The following RUSF1 variants were observed in gnomAD, a reference collection of about 807,000 sequenced individuals.
The protein encoded by RUSF1 is RUS family member 1.
A neutral mutation model predicts 63.0 loss-of-function variants in RUSF1; 58 were observed. That is an observed-to-expected ratio of 0.92 (90% CI 0.75 to 1.15). The LOEUF is 1.15. Ranked by LOEUF, RUSF1 falls within the 50% of genes most tolerant of loss-of-function variation. The pLI is 0.00. For synonymous variants in RUSF1, 274 were observed against 255.8 expected (o/e 1.07, Z -0.68); for missense variants, 652 against 611.0 (o/e 1.07, Z -0.71).
In RUSF1 at chr16:31,500,685, C is replaced by G. The variant is rs755842350; in HGVS notation, c.461+1G>C. 2 of 1,612,654 alleles carry G rather than the reference C, an allele frequency of 1.2e-6. No individual in the cohort carries two copies. The highest frequency in any genetic ancestry group is 2.7e-5 in the African/African-American group (2 of 74,904). ...GTTGCTGGCCGGGAAGACAAACTCACCCTTTCCACCAGGCAAAGACGATGC... is the reference window on the plus strand; with the variant it reads ...GTTGCTGGCCGGGAAGACAAACTCAGCCTTTCCACCAGGCAAAGACGATGC... On this transcript the variant is annotated splice_donor_variant, in intron 3 of 12. Transcript: ENST00000327237. LOFTEE classifies it high-confidence loss of function.
At chr16:31,502,529 C>T (rs942094223) in intron 2 of RUSF1, among the ~76,000 whole-genome samples, 2 of 152,224 alleles carry the variant, frequency 1.3e-5, no homozygotes, top group African/African-American at 4.8e-5. Flanking sequence ...GGATTTCCAG[C>T]TTCTCTGGAA....
Position 31,492,968 on chromosome 16 carries a change from GCA to G in RUSF1, c.1087+8_1087+9del. ...GTGCGTCTTAGGCTGGGAGAATGAG[GCA>G]CACTCACTTTGTGACTGGTCCCAGC... On this transcript the variant is annotated splice_region_variant and intron_variant, in intron 10 of 12. Transcript: ENST00000327237. 1 of 1,604,550 alleles carries G rather than the reference GCA, an allele frequency of 6.2e-7. No homozygotes were observed. The highest frequency in any genetic ancestry group is 8.5e-7 in the Non-Finnish European group (1 of 1,173,462).
At chr16:31,495,805 A>G (rs965429659) in intron 6 of RUSF1, among the ~76,000 whole-genome samples, 3 of 152,222 alleles carry the variant, frequency 2.0e-5, no homozygotes, top group South Asian at 2.1e-4. Context: ...TAAGGCAACC[A>G]TGAGCATTTA....
chr16:31,497,485 T>C (rs2082610177), intron 5 of RUSF1, among the ~76,000 whole-genome samples: 1 of 152,196 alleles, frequency 6.6e-6, no homozygotes, highest in Non-Finnish European at 1.5e-5. Context: ...GCTCTTTTAC[T>C]TATTACTATT....
At position 31,508,149 on chromosome 16, in the gene RUSF1, G is replaced by C. The variant is rs769729213; in HGVS notation, c.225C>G (p.Ala75=). Residue 75 remains alanine, a synonymous_variant, in exon 1 of 13, where the codon GCC becomes GCG. Coordinates refer to ENST00000327237, the MANE Select transcript of RUSF1 (RefSeq NM_022744.4). Reference sequence around the variant, plus strand: ...CAGGGAAGCCCTGAGGCAGGAACACGGCCTGGAGCCCGGAGAGGGGCGGTG... The same window carrying C: ...CAGGGAAGCCCTGAGGCAGGAACACCGCCTGGAGCCCGGAGAGGGGCGGTG... The part of the protein sequence containing the change: ...APSPPLSGLQ[A]VFLPQGFPDS... 1.1e-5 allele frequency: 18 copies of C among 1,592,464 alleles called. No individual in the cohort carries two copies. The highest frequency in any genetic ancestry group is 3.5e-5 in the Admixed American group (2 of 57,228).
rs752793163 is a variant in RUSF1, at chr16:31,492,970, ACACT to A, written c.1087+4_1087+7del. On this transcript the variant is annotated splice_donor_5th_base_variant and intron_variant, in intron 10 of 12. Transcript: ENST00000327237. ...GCGTCTTAGGCTGGGAGAATGAGGC[ACACT>A]CACTTTGTGACTGGTCCCAGCAGAG... The A allele has an allele frequency of 5.6e-6, 9 of 1,605,620 alleles. No homozygotes were observed. Among genetic ancestry groups the A allele is most frequent in the Non-Finnish European group, 7.7e-6 (9 of 1,174,128 alleles).
At chr16:31,499,264 G>A in intron 5 of RUSF1, 38 bp downstream of exon 5, 2 of 1,543,886 alleles carry the variant, frequency 1.3e-6, no homozygotes, top group Non-Finnish European at 1.8e-6. Context: ...TACCAAGGCA[G>A]GTGTTTTAGG....
In RUSF1 at chr16:31,492,046, G is replaced by A. The variant is rs138409218; in HGVS notation, c.1272C>T (p.His424=). Reference sequence around the variant, plus strand: ...TTGGGAACAGCATGTCCAACACTTCGTGTGTCTCCTTGACGACGACCCAGC... The same window carrying A: ...TTGGGAACAGCATGTCCAACACTTCATGTGTCTCCTTGACGACGACCCAGC... ...KESWVVVKET[H]EVLDMLFPKF... The change falls in exon 12 of 13, where the codon CAC becomes CAT. Residue 424 remains histidine, a synonymous_variant. Coordinates refer to ENST00000327237, the MANE Select transcript of RUSF1 (RefSeq NM_022744.4). 19 of 1,614,170 alleles carry A rather than the reference G, an allele frequency of 1.2e-5. No individual in the cohort carries two copies. Among genetic ancestry groups the A allele is most frequent in the Admixed American group, 1.7e-5 (1 of 60,018 alleles).
rs188506513 is a variant in RUSF1, at chr16:31,495,174, G to C, written c.703-1238C>G. On this transcript the variant is annotated intron_variant, in intron 6 of 12. Coordinates refer to ENST00000327237, the MANE Select transcript of RUSF1 (RefSeq NM_022744.4). ...ATCACTCTAGGGGAAGGGACCCCAG[G>C]CTACCTGCCCCCAACTCATCATGAG... Among the ~76,000 whole-genome samples the C allele has an allele frequency of 4.7e-4, 72 of 152,282 alleles. No individual in the cohort carries two copies. The East Asian group carries it at 0.013, about 27-fold the overall frequency.
Position 31,499,306 on chromosome 16 carries a change from G to A in RUSF1, c.596C>T (p.Ala199Val), listed in dbSNP as rs759407511. Residue 199 changes from alanine to valine, a missense_variant, in exon 5 of 13, where the codon GCC (alanine) becomes GTC (valine). Transcript: ENST00000327237. ...FTMTVSTSNL[A>V]KCIVSVAGGA... ...GGTGCCCCCACAGGCAGCTACCTTG[G>A]CTAGGTTGCTGGTGGAGACGGTCAT... 5.6e-6 allele frequency: 9 copies of A among 1,612,492 alleles called. No individual in the cohort carries two copies. The East Asian group carries it at 1.8e-4, about 32-fold the overall frequency.
intron 5 of RUSF1, 80 bp downstream of exon 5, chr16:31,499,222 T>C: frequency 1.6e-6 from 2 of 1,250,130 alleles, no homozygotes. Context: ...AAGTGGCAGG[T>C]AAACTCACAG....
intron 2 of RUSF1, among the ~76,000 whole-genome samples, chr16:31,504,068 T>G (rs2082645793): frequency 6.6e-6 from 1 of 152,090 alleles, no homozygotes. Context: ...CTGGCCAATT[T>G]TTGAGTTTTT....
chr16:31,507,498 G>C (rs774455241), intron 2 of RUSF1, among the ~76,000 whole-genome samples: 3 of 152,200 alleles, frequency 2.0e-5, no homozygotes, highest in Non-Finnish European at 4.4e-5. Context: ...TAGGGATAAA[G>C]GGGAGGGGAC....
At chr16:31,507,028 T>C (rs908872959) in intron 2 of RUSF1, among the ~76,000 whole-genome samples, 3 of 152,194 alleles carry the variant, frequency 2.0e-5, no homozygotes, top group Non-Finnish European at 2.9e-5. Flanking sequence ...TTAGGTTGGC[T>C]CAAATGTAAT....
At chr16:31,496,550 T>C (rs1024052637) in intron 6 of RUSF1, among the ~76,000 whole-genome samples, 5 of 152,170 alleles carry the variant, frequency 3.3e-5, no homozygotes, top group Admixed American at 1.3e-4. Context: ...AACTCTGACT[T>C]GCCAATTGCC....
rs780311559 is a variant in RUSF1, at chr16:31,508,199, C to A, written c.175G>T (p.Glu59Ter). The A allele has an allele frequency of 1.3e-6, 2 of 1,566,094 alleles. No individual in the cohort carries two copies. The highest frequency in any genetic ancestry group is 2.3e-5 in the South Asian group (2 of 85,652). Residue 59 changes from glutamate (E) to a stop codon, truncating the protein, a stop_gained, in exon 1 of 13, where the codon GAA (glutamate) becomes TAA (stop). Coordinates refer to ENST00000327237, the MANE Select transcript of RUSF1 (RefSeq NM_022744.4). LOFTEE classifies it high-confidence loss of function. ...TVKPEGRDAG[E>*]VGASGAPSPP... ...GAGGGGGCCCCGGAAGCCCCCACTT[C>A]GCCCGCATCTCGTCCTTCAGGTTTG...
chr16:31,490,647 C>T lies in RUSF1; in HGVS notation c.*188G>A. The T allele has an allele frequency of 1.8e-6, 2 of 1,121,672 alleles. No individual in the cohort carries two copies. Among genetic ancestry groups the T allele is most frequent in the Non-Finnish European group, 2.6e-6 (2 of 759,432 alleles). 69.5% of individuals were successfully genotyped at this position (1,121,672 alleles called of 1,614,324 possible). On this transcript the variant is annotated 3_prime_UTR_variant, in exon 13 of 13. Transcript: ENST00000327237. Reference sequence around the variant, plus strand: ...GCAGTGGGGTGAGAAGGTCCTGGCTCCCCTTCTCCCGGCCTTCCTCTGCCT... The same window carrying T: ...GCAGTGGGGTGAGAAGGTCCTGGCTTCCCTTCTCCCGGCCTTCCTCTGCCT...
Position 31,489,498 on chromosome 16 carries a change from A to T in RUSF1, c.*1337T>A. On this transcript the variant is annotated 3_prime_UTR_variant, in exon 13 of 13. Coordinates refer to ENST00000327237, the MANE Select transcript of RUSF1 (RefSeq NM_022744.4). ...AATTGCCGAGCAAGAATTTTTATTT[A>T]AATACATTTATTTGAACCGGCCTGG... 1.4e-6 allele frequency: 1 copy of T among 691,958 alleles called. No homozygotes were observed. The highest frequency in any genetic ancestry group is 1.7e-5 in the South Asian group (1 of 59,380). The allele number at this position is 691,958 out of a possible 1,614,324, so 42.9% of individuals were successfully genotyped here. A position where few individuals can be genotyped will look rare whatever the true frequency, so the allele number is the denominator to read the frequency against.
At chr16:31,492,471 C>G in intron 10 of RUSF1, 131 bp from the exon 11 acceptor site, 1 of 1,055,962 alleles carries the variant, frequency 9.5e-7, no homozygotes, top group East Asian at 2.8e-5. Flanking sequence ...CTCACCCTTT[C>G]CTTTCCAATT....
Sources: gnomAD v4.1 joint callset for allele counts (sites outside exome capture counted in the v4.1 genomes callset) on GRCh38, gnomAD v4.1.1 for gene constraint, MANE v1.5 for transcripts, NCBI Gene and HGNC (gene_info 2026-07-23, HGNC 2026-07-21) for gene names.